Variants in SPIRE1 observed in about 807,000 individuals in gnomAD.
SPIRE1 encodes the protein protein spire homolog 1.
Under a neutral mutation model 94.1 loss-of-function variants are expected in SPIRE1, and 40 were observed. The ratio of observed to expected loss-of-function variants is 0.43; its 90% CI spans 0.33 to 0.55. The LOEUF (loss-of-function observed/expected upper bound fraction) is 0.55. Ranked by LOEUF, SPIRE1 falls within the 20% of genes least tolerant of loss-of-function variation. SPIRE1 has a pLI of 0.06. For missense variants in SPIRE1, 838 were observed against 975.2 expected, an observed-to-expected ratio of 0.86 and a Z score of 1.87; for synonymous variants, 376 against 371.7, an observed-to-expected ratio of 1.01 and a Z score of -0.13.
At chr18:12,469,862 A>G (rs1447254111) in intron 10 of SPIRE1, among the ~76,000 whole-genome samples, 1 of 150,874 alleles carries the variant, frequency 6.6e-6, no homozygotes, top group Non-Finnish European at 1.5e-5. Flanking sequence ...CAGAGGGTGC[A>G]TTCTCTATTT....
At chr18:12,555,420 A>G (rs1489377227) in intron 2 of SPIRE1, among the ~76,000 whole-genome samples, 1 of 152,226 alleles carries the variant, frequency 6.6e-6, no homozygotes, top group Non-Finnish European at 1.5e-5. Context: ...AAAATTCTCA[A>G]GAAAATTCTA....
intron 2 of SPIRE1, among the ~76,000 whole-genome samples, chr18:12,633,774 G>A (rs543891999): frequency 6.6e-6 from 1 of 151,854 alleles, no homozygotes; most frequent in East Asian, 1.9e-4. Flanking sequence ...CCTTTATTTG[G>A]GCATTGCCAC....
intron 4 of SPIRE1, among the ~76,000 whole-genome samples, chr18:12,521,048 A>C (rs1005352613): frequency 2.0e-5 from 3 of 152,196 alleles, no homozygotes; most frequent in African/African-American, 7.2e-5. Context: ...TTTTTCAACC[A>C]ATTTACAGAC....
chr18:12,505,431 G>A (rs2033795304), intron 6 of SPIRE1, among the ~76,000 whole-genome samples: 2 of 151,854 alleles, frequency 1.3e-5, no homozygotes, highest in South Asian at 4.2e-4. Flanking sequence ...GCACACCTGT[G>A]GTCCCAGATA....
At chr18:12,478,879 T>A (rs1407126297) in intron 10 of SPIRE1, among the ~76,000 whole-genome samples, 6 of 152,046 alleles carry the variant, frequency 3.9e-5, no homozygotes, top group South Asian at 2.1e-4. Flanking sequence ...GGGCAGTAGG[T>A]GGATGATGAA....
At chr18:12,640,668 A>G (rs567049464) in intron 1 of SPIRE1, among the ~76,000 whole-genome samples, 1 of 152,216 alleles carries the variant, frequency 6.6e-6, no homozygotes, top group Admixed American at 6.5e-5. Context: ...CCAAAAGATG[A>G]TATTTAAACA....
intron 2 of SPIRE1, among the ~76,000 whole-genome samples, chr18:12,564,420 T>G (rs1382915894): frequency 6.6e-6 from 1 of 152,098 alleles, no homozygotes; most frequent in Non-Finnish European, 1.5e-5. Flanking sequence ...ATAAAACACA[T>G]GTATAAGGCA....
At chr18:12,493,014 T>TA in intron 8 of SPIRE1, 58 bp downstream of exon 8, 1 of 1,534,900 alleles carries the variant, frequency 6.5e-7, no homozygotes, top group Non-Finnish European at 8.7e-7. Context: ...GCTGGGTGTA[T>TA]AAAGATCCTT....
At position 12,615,277 on chromosome 18, in the gene SPIRE1, G is replaced by A. The variant is rs866578449; in HGVS notation, c.372+19785C>T. Reference sequence around the variant, plus strand: ...CAGGAGGCAGAGGTTGCAGTGAGCCGAGATTGGCCATTGCACTCCAGCTTG... The same window carrying A: ...CAGGAGGCAGAGGTTGCAGTGAGCCAAGATTGGCCATTGCACTCCAGCTTG... On this transcript the variant is annotated intron_variant, in intron 2 of 16. Coordinates refer to ENST00000409402, the MANE Select transcript of SPIRE1 (RefSeq NM_001128626.2). 7.0e-5 allele frequency among the ~76,000 whole-genome samples: 8 copies of A among 114,612 alleles called. No homozygotes were observed. In the South Asian group the frequency reaches 1.6e-3, roughly 22 times the overall value. 75.2% of individuals were successfully genotyped at this position (114,612 alleles called of 152,430 possible). A position where few individuals can be genotyped will look rare whatever the true frequency, so the allele number is the denominator to read the frequency against.
At chr18:12,494,066 G>A (rs1003939506) in intron 7 of SPIRE1, among the ~76,000 whole-genome samples, 9 of 151,798 alleles carry the variant, frequency 5.9e-5, no homozygotes, top group Non-Finnish European at 1.0e-4. Context: ...CACTGCACAC[G>A]GCTAATTTTT....
Position 12,446,522 on chromosome 18 carries a change from A to G in SPIRE1, c.*3116T>C, listed in dbSNP as rs1308871473. 1 of 152,190 alleles carries G rather than the reference A, an allele frequency of 6.6e-6. No homozygotes were observed. Among genetic ancestry groups the G allele is most frequent in the Non-Finnish European group, 1.5e-5 (1 of 68,036 alleles). The allele number at this position is 152,190 out of a possible 1,614,324, so 9.4% of individuals were successfully genotyped here. On this transcript the variant is annotated 3_prime_UTR_variant, in exon 17 of 17. Transcript: ENST00000409402. ...ACTCAACACAGAAAGTCTGATGGAA[A>G]GCCATTTTATTTTTCTCTAAATTTT...
At chr18:12,473,308 C>CAA (rs71172088) in intron 10 of SPIRE1, among the ~76,000 whole-genome samples, 299 of 144,844 alleles carry the variant, frequency 2.1e-3, no homozygotes, top group Admixed American at 5.6e-3. Context: ...TCAGTTCTGG[C>CAA]AAAAAAAAAA....
intron 1 of SPIRE1, among the ~76,000 whole-genome samples, chr18:12,642,202 C>T (rs2038106421): frequency 6.6e-6 from 1 of 152,166 alleles, no homozygotes; most frequent in Non-Finnish European, 1.5e-5. Flanking sequence ...GTGTGACAGG[C>T]ACTCTCCAGA....
intron 8 of SPIRE1, among the ~76,000 whole-genome samples, chr18:12,486,724 A>C (rs1369939561): frequency 6.6e-6 from 1 of 152,250 alleles, no homozygotes; most frequent in African/African-American, 2.4e-5. Flanking sequence ...GGTGCTTAGA[A>C]TAGTGCTTGA....
At chr18:12,540,360 AC>A (rs1270001139) in intron 3 of SPIRE1, among the ~76,000 whole-genome samples, 1 of 150,476 alleles carries the variant, frequency 6.6e-6, no homozygotes, top group Non-Finnish European at 1.5e-5. Context: ...TAGATGAACT[AC>A]CCCCCTCTAA....
At chr18:12,517,212 T>C (rs1260079638) in intron 4 of SPIRE1, among the ~76,000 whole-genome samples, 1 of 152,228 alleles carries the variant, frequency 6.6e-6, no homozygotes, top group Non-Finnish European at 1.5e-5. Flanking sequence ...TATTAGTTAT[T>C]ATGTCAATGA....
chr18:12,501,576 G>T (rs1270262976), intron 6 of SPIRE1, among the ~76,000 whole-genome samples: 1 of 152,182 alleles, frequency 6.6e-6, no homozygotes, highest in African/African-American at 2.4e-5. Flanking sequence ...TAGAGACGGG[G>T]TTTGACCATG....
At chr18:12,523,984 G>A (rs373467654) in intron 4 of SPIRE1, among the ~76,000 whole-genome samples, 42 of 152,172 alleles carry the variant, frequency 2.8e-4, no homozygotes, top group African/African-American at 9.6e-4. Context: ...ACATTTAATA[G>A]ACTATAATAT....
intron 8 of SPIRE1, among the ~76,000 whole-genome samples, chr18:12,486,275 C>T (rs923923857): frequency 1.3e-5 from 2 of 152,126 alleles, no homozygotes; most frequent in African/African-American, 4.8e-5. Flanking sequence ...GATAAAAATA[C>T]AAACATTTTA....
Sources: gnomAD v4.1 joint callset for allele counts (sites outside exome capture counted in the v4.1 genomes callset) on GRCh38, gnomAD v4.1.1 for gene constraint, MANE v1.5 for transcripts, NCBI Gene and HGNC (gene_info 2026-07-23, HGNC 2026-07-21) for gene names.